Variants in MAGI2 observed in about 807,000 individuals in gnomAD.
The protein encoded by MAGI2 is membrane-associated guanylate kinase, WW and PDZ domain-containing protein 2.
Under a neutral mutation model 133.3 loss-of-function variants are expected in MAGI2, and 35 were observed. That is an observed-to-expected ratio of 0.26 (90% CI 0.20 to 0.35). The LOEUF (loss-of-function observed/expected upper bound fraction) is 0.35. Among genes scored for constraint, MAGI2 ranks in the 10% least tolerant of loss-of-function variants. The probability of loss-of-function intolerance (pLI) is 1.00; values close to 1 mark genes in which losing one functional copy is unlikely to be tolerated. For missense variants in MAGI2, 1,636 were observed against 1,863.4 expected (o/e 0.88, Z 2.25); for synonymous variants, 729 against 710.6 (o/e 1.03, Z -0.41).
At chr7:78,891,257 G>T (rs1042756837) in intron 2 of MAGI2, among the ~76,000 whole-genome samples, 1 of 152,116 alleles carries the variant, frequency 6.6e-6, no homozygotes, top group Admixed American at 6.5e-5. Context: ...ACCAAAAAAA[G>T]TTCAGGACCA....
intron 2 of MAGI2, among the ~76,000 whole-genome samples, chr7:78,890,381 T>C (rs569132716): frequency 2.0e-5 from 3 of 152,198 alleles, no homozygotes; most frequent in African/African-American, 7.2e-5. Context: ...GTGGACCTAA[T>C]AGACATCTAC....
intron 7 of MAGI2, chr7:78,358,179 A>T (rs1792309532): frequency 1.7e-5 from 1 of 58,548 alleles, no homozygotes; most frequent in African/African-American, 6.4e-5. Context: ...AAAAAAAAAA[A>T]AAAAAAAAAA....
chr7:78,970,612 G>T (rs1584536958), intron 2 of MAGI2, among the ~76,000 whole-genome samples: 1 of 152,022 alleles, frequency 6.6e-6, no homozygotes, highest in East Asian at 1.9e-4. Context: ...ATTGGCAAAG[G>T]ATAAAGAAGA....
chr7:78,171,225 C>T (rs1485146953), intron 14 of MAGI2, among the ~76,000 whole-genome samples: 3 of 152,190 alleles, frequency 2.0e-5, no homozygotes, highest in Admixed American at 6.5e-5. Flanking sequence ...CCTTTGCCAC[C>T]GTAGGGACTG....
intron 6 of MAGI2, among the ~76,000 whole-genome samples, chr7:78,433,559 AG>A (rs1443105104): frequency 6.6e-6 from 1 of 152,056 alleles, no homozygotes; most frequent in African/African-American, 2.4e-5. Context: ...AGTGTAGTAA[AG>A]GATGTCCCAA....
intron 6 of MAGI2, among the ~76,000 whole-genome samples, chr7:78,437,816 T>G (rs12530980): frequency 1.3e-3 from 194 of 152,240 alleles, no homozygotes; most frequent in African/African-American, 4.6e-3. Flanking sequence ...TATGAAAGTT[T>G]ATAATTTAAT....
At chr7:78,145,358 A>G (rs1823195948) in intron 16 of MAGI2, among the ~76,000 whole-genome samples, 1 of 152,012 alleles carries the variant, frequency 6.6e-6, no homozygotes, top group Non-Finnish European at 1.5e-5. Context: ...AATTATTGCA[A>G]TGGTGCATTT....
chr7:78,631,058 G>A (rs997649750), intron 2 of MAGI2, among the ~76,000 whole-genome samples: 10 of 152,090 alleles, frequency 6.6e-5, no homozygotes, highest in South Asian at 2.1e-4. Context: ...GAAGCTTCCT[G>A]TCGAAGGTTG....
intron 1 of MAGI2, among the ~76,000 whole-genome samples, chr7:79,400,558 C>T (rs1845396980): frequency 6.6e-6 from 1 of 152,098 alleles, no homozygotes; most frequent in Non-Finnish European, 1.5e-5. Flanking sequence ...TGCAGAATTC[C>T]CTAAATGCAA....
intron 2 of MAGI2, among the ~76,000 whole-genome samples, chr7:78,922,468 T>A (rs550753846): frequency 7.2e-5 from 11 of 151,890 alleles, no homozygotes; most frequent in African/African-American, 2.4e-4. Flanking sequence ...TTGCGATAGT[T>A]TACTGAGAAT....
At chr7:79,374,666 T>C (rs1290799211) in intron 1 of MAGI2, among the ~76,000 whole-genome samples, 1 of 151,994 alleles carries the variant, frequency 6.6e-6, no homozygotes, top group Admixed American at 6.6e-5. Flanking sequence ...TGAATTCAGA[T>C]ATGGTGTTTA....
intron 6 of MAGI2, among the ~76,000 whole-genome samples, chr7:78,416,843 T>C (rs754230436): frequency 3.9e-5 from 6 of 152,128 alleles, no homozygotes; most frequent in Non-Finnish European, 7.4e-5. Flanking sequence ...GGTGAGGACA[T>C]AGAAGGTGTG....
intron 11 of MAGI2, among the ~76,000 whole-genome samples, chr7:78,198,862 A>T (rs1323851513): frequency 1.3e-5 from 2 of 152,178 alleles, no homozygotes; most frequent in African/African-American, 4.8e-5. Flanking sequence ...GTATTTGAAG[A>T]ATGCACTTGA....
intron 13 of MAGI2, among the ~76,000 whole-genome samples, chr7:78,185,245 A>G (rs1286768727): frequency 6.6e-6 from 1 of 152,192 alleles, no homozygotes; most frequent in Non-Finnish European, 1.5e-5. Context: ...TGGATTTTAC[A>G]CATATATTAC....
intron 2 of MAGI2, among the ~76,000 whole-genome samples, chr7:78,694,275 A>G (rs751450907): frequency 2.8e-4 from 43 of 152,194 alleles, no homozygotes; most frequent in Admixed American, 5.2e-4. Flanking sequence ...AGTTCTTTTC[A>G]GCCAAATTAT....
intron 2 of MAGI2, among the ~76,000 whole-genome samples, chr7:78,632,997 T>C (rs1410705321): frequency 6.6e-6 from 1 of 152,232 alleles, no homozygotes; most frequent in Non-Finnish European, 1.5e-5. Context: ...TCAACCTATA[T>C]GTTCTTCAGT....
At chr7:78,460,308 C>A (rs754706878) in intron 6 of MAGI2, among the ~76,000 whole-genome samples, 1 of 152,164 alleles carries the variant, frequency 6.6e-6, no homozygotes, top group African/African-American at 2.4e-5. Context: ...GTGAAACTTC[C>A]CTTTAGCTCA....
At chr7:79,060,637 A>G (rs1187641867) in intron 1 of MAGI2, among the ~76,000 whole-genome samples, 2 of 152,100 alleles carry the variant, frequency 1.3e-5, no homozygotes, top group East Asian at 1.9e-4. Context: ...GGAGAGTGAC[A>G]TAGCTAATCT....
At chr7:78,846,857 C>T (rs1362713054) in intron 2 of MAGI2, among the ~76,000 whole-genome samples, 1 of 151,830 alleles carries the variant, frequency 6.6e-6, no homozygotes, top group African/African-American at 2.4e-5. Flanking sequence ...TTTCCAGGTG[C>T]ATATATTAAA....
Sources: gnomAD v4.1 joint callset for allele counts (sites outside exome capture counted in the v4.1 genomes callset) on GRCh38, gnomAD v4.1.1 for gene constraint, MANE v1.5 for transcripts, NCBI Gene and HGNC (gene_info 2026-07-23, HGNC 2026-07-21) for gene names.